The following TENM4 variants were observed in gnomAD, a reference collection of about 807,000 sequenced individuals.
TENM4 encodes teneurin transmembrane protein 4, also known as teneurin-4.
TENM4 carries 82 observed loss-of-function variants against 243.3 expected under a neutral mutation model. That is an observed-to-expected ratio of 0.34 (90% CI 0.28 to 0.40). The LOEUF is 0.40. TENM4 is among the 10% of genes least tolerant of loss of function. The probability of loss-of-function intolerance (pLI) is 1.00; values close to 1 mark genes in which losing one functional copy is unlikely to be tolerated. For missense variants in TENM4, 3,138 were observed against 3,673.3 expected (o/e 0.85, Z 3.77); for synonymous variants, 1,412 against 1,456.3 (o/e 0.97, Z 0.69).
intron 1 of TENM4, among the ~76,000 whole-genome samples, chr11:79,350,953 C>A (rs1278268067): frequency 2.6e-5 from 4 of 151,954 alleles, no homozygotes; most frequent in Non-Finnish European, 5.9e-5. Flanking sequence ...GTGGCCTGAC[C>A]CCTCCCCTAC....
chr11:79,114,316 A>G (rs75132605), intron 4 of TENM4, among the ~76,000 whole-genome samples: 2 of 152,214 alleles, frequency 1.3e-5, no homozygotes, highest in African/African-American at 4.8e-5. Context: ...TCCACTGGCT[A>G]CTTTTGCATT....
intron 3 of TENM4, among the ~76,000 whole-genome samples, chr11:79,206,729 C>A (rs1271751663): frequency 5.9e-5 from 9 of 152,144 alleles, no homozygotes; most frequent in Non-Finnish European, 2.9e-5. Flanking sequence ...TTAGAAGTAC[C>A]TTCCACCTCC....
At chr11:78,994,886 C>T (rs1858133612) in intron 6 of TENM4, among the ~76,000 whole-genome samples, 1 of 152,168 alleles carries the variant, frequency 6.6e-6, no homozygotes, top group Admixed American at 6.5e-5. Flanking sequence ...TCCCCGGATG[C>T]CTATTCTGTG....
chr11:79,223,089 T>C (rs907447101), intron 2 of TENM4, among the ~76,000 whole-genome samples: 1 of 152,094 alleles, frequency 6.6e-6, no homozygotes, highest in African/African-American at 2.4e-5. Context: ...GGCACACGTC[T>C]ACCTGTGTAA....
At chr11:79,282,816 G>GA (rs34187402) in intron 2 of TENM4, among the ~76,000 whole-genome samples, 17,201 of 148,008 alleles carry the variant, frequency 0.12, 980 homozygotes, top group South Asian at 0.14. Flanking sequence ...TTTAAAATTG[G>GA]AAAAAAAAAA....
intron 12 of TENM4, among the ~76,000 whole-genome samples, chr11:78,822,586 G>A (rs76415050): frequency 0.022 from 3,346 of 152,248 alleles, 109 homozygotes; most frequent in African/African-American, 0.076. Flanking sequence ...GGTGGGTAGA[G>A]GGAGAGTATC....
chr11:78,714,802 A>C (rs1859485714), intron 25 of TENM4, among the ~76,000 whole-genome samples: 1 of 146,282 alleles, frequency 6.8e-6, no homozygotes, highest in Non-Finnish European at 1.5e-5. Flanking sequence ...TTTCCTACTC[A>C]CCCTTCACCT....
chr11:79,365,125 G>A (rs1417892338), intron 1 of TENM4, among the ~76,000 whole-genome samples: 1 of 152,168 alleles, frequency 6.6e-6, no homozygotes, highest in Non-Finnish European at 1.5e-5. Context: ...AGTATAAATA[G>A]AAAATTGTTT....
At chr11:79,198,977 G>A (rs1427639675) in intron 3 of TENM4, among the ~76,000 whole-genome samples, 1 of 152,216 alleles carries the variant, frequency 6.6e-6, no homozygotes, top group Non-Finnish European at 1.5e-5. Context: ...GCCAGGAGAA[G>A]AAGGGATGGA....
At chr11:79,401,992 A>G in intron 1 of TENM4, 1 of 380,514 alleles carries the variant, frequency 2.6e-6, no homozygotes, top group Non-Finnish European at 6.0e-6. Flanking sequence ...GAGGGTGTGC[A>G]GGGTGAGAAG....
At chr11:79,126,855 G>A (rs1247256850) in intron 4 of TENM4, among the ~76,000 whole-genome samples, 1 of 152,102 alleles carries the variant, frequency 6.6e-6, no homozygotes, top group Non-Finnish European at 1.5e-5. Flanking sequence ...GAGACATCTG[G>A]CCTTTTACTA....
chr11:78,771,205 C>T lies in TENM4; in HGVS notation c.2393-67G>A, dbSNP rs148668492. ...TCAACTGCCATCACACACACTAACA[C>T]GCTACCTGCCAACTTGCAAAATGCC... is the stretch of plus-strand genomic sequence containing the variant. On this transcript the variant is annotated intron_variant, in intron 17 of 33. Transcript: ENST00000278550. 2.3e-4 allele frequency: 355 copies of T among 1,528,892 alleles called. No homozygotes were observed. In the African/African-American group the frequency reaches 3.0e-3, roughly 13 times the overall value. 94.7% of individuals were successfully genotyped at this position (1,528,892 alleles called of 1,614,324 possible).
chr11:78,913,965 G>A (rs1225291559), intron 6 of TENM4, among the ~76,000 whole-genome samples: 1 of 152,178 alleles, frequency 6.6e-6, no homozygotes, highest in Non-Finnish European at 1.5e-5. Context: ...GGAAGGAGAA[G>A]AGCTTAAAGA....
In TENM4 at chr11:79,292,122, A is replaced by G. The variant is rs143814994; in HGVS notation, c.-265+5366T>C. Among the ~76,000 whole-genome samples, 4 of 152,312 alleles carry G rather than the reference A, an allele frequency of 2.6e-5. No homozygotes were observed. The East Asian group carries it at 7.7e-4, about 29-fold the overall frequency. On this transcript the variant is annotated intron_variant, in intron 2 of 33. Coordinates refer to ENST00000278550, the MANE Select transcript of TENM4 (RefSeq NM_001098816.3). The stretch of plus-strand genomic sequence containing the variant: ...ACAAGGGGTCAATTATCTTGCAGCA[A>G]TGAAACCGGCATACTGTTTCTTCAG...
At chr11:79,345,499 C>A (rs1190256624) in intron 1 of TENM4, among the ~76,000 whole-genome samples, 1 of 152,096 alleles carries the variant, frequency 6.6e-6, no homozygotes, top group Non-Finnish European at 1.5e-5. Flanking sequence ...CTATAACAAG[C>A]GAAATAATGG....
intron 6 of TENM4, among the ~76,000 whole-genome samples, chr11:78,987,271 TGTA>T (rs1479815058): frequency 3.9e-5 from 6 of 152,152 alleles, no homozygotes; most frequent in African/African-American, 9.7e-5. Flanking sequence ...ATACATAAAT[TGTA>T]GTATATTCAT....
At chr11:79,005,082 C>T (rs569397594) in intron 6 of TENM4, among the ~76,000 whole-genome samples, 39 of 151,994 alleles carry the variant, frequency 2.6e-4, no homozygotes, top group Admixed American at 4.6e-4. Flanking sequence ...AATCCCTGAA[C>T]GTACCAATAA....
At chr11:78,819,600 C>A (rs1036464571) in intron 12 of TENM4, among the ~76,000 whole-genome samples, 2 of 152,114 alleles carry the variant, frequency 1.3e-5, no homozygotes, top group African/African-American at 2.4e-5. Flanking sequence ...TGTGGACGTG[C>A]GAGCTTGATG....
chr11:79,427,160 C>T (rs940158406), intron 1 of TENM4, among the ~76,000 whole-genome samples: 1 of 152,186 alleles, frequency 6.6e-6, no homozygotes, highest in Non-Finnish European at 1.5e-5. Context: ...GGTCAAACTA[C>T]TACCAGACTA....
Sources: gnomAD v4.1 joint callset for allele counts (sites outside exome capture counted in the v4.1 genomes callset) on GRCh38, gnomAD v4.1.1 for gene constraint, MANE v1.5 for transcripts, NCBI Gene and HGNC (gene_info 2026-07-23, HGNC 2026-07-21) for gene names.